TTBK1: variants seen among roughly 807,000 people sequenced by gnomAD.
The protein encoded by TTBK1 is tau tubulin kinase 1.
Under a neutral mutation model 108.5 loss-of-function variants are expected in TTBK1, and 34 were observed. That is an observed-to-expected ratio of 0.31 (90% CI 0.24 to 0.42). TTBK1 has a LOEUF of 0.42. Among genes scored for constraint, TTBK1 ranks in the 10% least tolerant of loss-of-function variants. The probability of loss-of-function intolerance (pLI) is 1.00; values close to 1 mark genes in which losing one functional copy is unlikely to be tolerated. For missense variants in TTBK1, 1,539 were observed against 1,826.0 expected, an observed-to-expected ratio of 0.84 and a Z score of 2.86; for synonymous variants, 809 against 795.1, an observed-to-expected ratio of 1.02 and a Z score of -0.29.
At position 43,262,818 on chromosome 6, in the gene TTBK1, C is replaced by T. The variant is rs1050745819; in HGVS notation, c.1454C>T (p.Ser485Leu). 14 of 1,583,886 alleles carry T rather than the reference C, an allele frequency of 8.8e-6. No individual in the cohort carries two copies. Among genetic ancestry groups the T allele is most frequent in the South Asian group, 3.4e-5 (3 of 88,334 alleles). ...RSRMDLPGSP[S>L]RQACSSQPAQ... Reference sequence around the variant, plus strand: ...CGGATGGATCTGCCTGGCTCGCCCTCGCGCCAGGCCTGCTCCTCTCAGCCA... The same window carrying T: ...CGGATGGATCTGCCTGGCTCGCCCTTGCGCCAGGCCTGCTCCTCTCAGCCA... The change falls in exon 13 of 15, where the codon TCG (serine) becomes TTG (leucine). Residue 485 changes from serine (S) to leucine (L), a missense_variant. Transcript: ENST00000259750.
At position 43,285,153 on chromosome 6, in the gene TTBK1, C is replaced by A; in HGVS notation, c.3743C>A (p.Ser1248Tyr). 1 of 1,421,730 alleles carries A rather than the reference C, an allele frequency of 7.0e-7. No individual in the cohort carries two copies. The highest frequency in any genetic ancestry group is 1.5e-5 in the African/African-American group (1 of 66,512). The allele number at this position is 1,421,730 out of a possible 1,614,324, so 88.1% of individuals were successfully genotyped here. ...STSAARNASA[S>Y]PRSQSLSRRE... ...TCCGCCGCGCGCAATGCCAGCGCGT[C>A]CCCCCGGAGCCAGTCCCTGTCCCGC... The change falls in exon 15 of 15, where the codon TCC (serine) becomes TAC (tyrosine). Residue 1248 changes from serine to tyrosine, a missense_variant. Physicochemically the swap from Ser to Tyr is moderately radical, Grantham distance 144 (BLOSUM62 -2). Transcript: ENST00000259750. The surrounding 1 kb of genome is among the most constrained non-coding windows in gnomAD (Gnocchi z 4.7).
intron 13 of TTBK1, among the ~76,000 whole-genome samples, chr6:43,281,084 C>A (rs1778145639): frequency 6.6e-6 from 1 of 152,148 alleles, no homozygotes; most frequent in Non-Finnish European, 1.5e-5. Context: ...AAGATCTGAA[C>A]TGTCTTAGGC....
intron 13 of TTBK1, chr6:43,270,275 A>G: frequency 8.9e-7 from 1 of 1,126,048 alleles, no homozygotes. Flanking sequence ...CAGTGGAAAG[A>G]GAGGTGTCAG....
In TTBK1 at chr6:43,269,834, G is replaced by A. The variant is rs1295337335; in HGVS notation, c.1986+6484G>A. 1 of 1,535,720 alleles carries A rather than the reference G, an allele frequency of 6.5e-7. No homozygotes were observed. The highest frequency in any genetic ancestry group is 2.0e-5 in the Admixed American group (1 of 50,908). On this transcript the variant is annotated intron_variant, in intron 13 of 14. Coordinates refer to ENST00000259750, the MANE Select transcript of TTBK1 (RefSeq NM_032538.3). The surrounding 1 kb of genome is among the most constrained non-coding windows in gnomAD (Gnocchi z 4.8). ...CGGCTGAGAGCAGCCCTGTGCGGGC[G>A]CCCCACCGGCGCCACGCGCCCCTCG...
rs566878036 is a variant in TTBK1 at position 43,246,659 on chromosome 6, G to A, written c.-2G>A. The stretch of plus-strand genomic sequence containing the variant: ...GCGGACACCCCTCCCTCTGGCTGGC[G>A]GATGCAGTGCCTAGCGGCCGCCCTT... On this transcript the variant is annotated 5_prime_UTR_variant, in exon 2 of 15. Transcript: ENST00000259750. 434 of 1,598,356 alleles carry A rather than the reference G, an allele frequency of 2.7e-4. 8 individuals carry two copies. The South Asian group carries it at 4.7e-3, about 17-fold the overall frequency.
intron 1 of TTBK1, among the ~76,000 whole-genome samples, chr6:43,244,489 G>A (rs1032887284): frequency 6.6e-6 from 1 of 152,116 alleles, no homozygotes; most frequent in Non-Finnish European, 1.5e-5. Flanking sequence ...TTCACCATGC[G>A]CCCATGTGCA....
intron 2 of TTBK1, among the ~76,000 whole-genome samples, chr6:43,249,247 G>A (rs953606110): frequency 6.6e-6 from 1 of 152,122 alleles, no homozygotes; most frequent in African/African-American, 2.4e-5. Context: ...GTCACCCAGA[G>A]CTGGCCAAGA....
chr6:43,282,856 C>CGGA lies in TTBK1; in HGVS notation c.2119_2121dup (p.Arg707dup), dbSNP rs1778211114. On this transcript the variant is annotated inframe_insertion, in exon 14 of 15. Coordinates refer to ENST00000259750, the MANE Select transcript of TTBK1 (RefSeq NM_032538.3). This position sits in a 1 kb window ranked among gnomAD's most constrained non-coding sequence, Gnocchi z 5.4. ...ACGGGCGCGGTTGCTCAACAGGGTC[C>CGGA]GGAGGGTGGGCTTCTCGCACATGCT... The CGGA allele has an allele frequency of 1.2e-6, 2 of 1,613,900 alleles. No individual in the cohort carries two copies. The highest frequency in any genetic ancestry group is 1.7e-6 in the Non-Finnish European group (2 of 1,179,984).
Position 43,283,670 on chromosome 6 carries a change from C to A in TTBK1, c.2930C>A (p.Ala977Glu), listed in dbSNP as rs368660442. Residue 977 changes from alanine to glutamate, a missense_variant, in exon 14 of 15, where the codon GCG (alanine) becomes GAG (glutamate). By Grantham distance (107) the Ala-to-Glu change is moderately radical. Around this residue, in one of 5 missense-constraint regions of TTBK1, gnomAD observed 1,055 missense variants for 1,086.5 expected, o/e 0.97. Transcript: ENST00000259750. The surrounding 1 kb of genome is among the most constrained non-coding windows in gnomAD (Gnocchi z 8.1). ...DGGAVEEGAR[A>E]PLENGLALSG... is the part of the protein sequence containing the mutation. ...GGCGCTGTGGAGGAGGGGGCCCGAG[C>A]GCCCCTGGAGAACGGCCTCGCCCTG... The A allele has an allele frequency of 6.8e-6, 11 of 1,613,766 alleles. No individual in the cohort carries two copies. Among genetic ancestry groups the A allele is most frequent in the Admixed American group, 6.7e-5 (4 of 60,006 alleles).
intron 13 of TTBK1, among the ~76,000 whole-genome samples, chr6:43,281,375 CAAAA>C (rs758326054): frequency 2.6e-5 from 2 of 76,206 alleles, no homozygotes; most frequent in Non-Finnish European, 5.7e-5. Flanking sequence ...GGCTCCATAT[CAAAA>C]AAAAAAAAAA....
At chr6:43,270,831 C>T (rs1252264330) in intron 13 of TTBK1, 1 of 985,500 alleles carries the variant, frequency 1.0e-6, no homozygotes. Flanking sequence ...CGTGAGAAAC[C>T]ATGTGCTTGT....
At chr6:43,250,444 C>T (rs1777207226) in intron 2 of TTBK1, among the ~76,000 whole-genome samples, 1 of 151,092 alleles carries the variant, frequency 6.6e-6, no homozygotes. Flanking sequence ...GCAGCCTCCG[C>T]CTCCCGGGTT....
Position 43,273,837 on chromosome 6 carries a change from G to A in TTBK1, c.1987-8890G>A, listed in dbSNP as rs1777893578. On this transcript the variant is annotated intron_variant, in intron 13 of 14. Coordinates refer to ENST00000259750, the MANE Select transcript of TTBK1 (RefSeq NM_032538.3). This position sits in a 1 kb window ranked among gnomAD's most constrained non-coding sequence, Gnocchi z 4.2. ...AAACCAAAATGGTTTACAGGCAGAGGTGGCCTAAACTCATTTTGCAACCAC... is the reference window on the plus strand; with the variant it reads ...AAACCAAAATGGTTTACAGGCAGAGATGGCCTAAACTCATTTTGCAACCAC... Among the ~76,000 whole-genome samples the A allele has an allele frequency of 6.6e-6, 1 of 152,196 alleles. No homozygotes were observed.
In TTBK1 at chr6:43,263,112, AGCG is replaced by A. The variant is rs1227761902; in HGVS notation, c.1757_1759del (p.Arg586del). 1 of 1,567,474 alleles carries A rather than the reference AGCG, an allele frequency of 6.4e-7. No individual in the cohort carries two copies. The highest frequency in any genetic ancestry group is 8.7e-7 in the Non-Finnish European group (1 of 1,155,328). On this transcript the variant is annotated inframe_deletion, in exon 13 of 15. Coordinates refer to ENST00000259750, the MANE Select transcript of TTBK1 (RefSeq NM_032538.3). The surrounding 1 kb of genome is among the most constrained non-coding windows in gnomAD (Gnocchi z 4.7). Reference sequence around the variant, plus strand: ...CGGCCACTGCCCGAGGAGGGCGAAGAGCGGCGGCGGCTGGGGGCAGAGCCCACC... The same window carrying A: ...CGGCCACTGCCCGAGGAGGGCGAAGAGCGGCGGCTGGGGGCAGAGCCCACC...
At position 43,283,019 on chromosome 6, in the gene TTBK1, A is replaced by C. The variant is rs138997913; in HGVS notation, c.2279A>C (p.Glu760Ala). ...GAAGAGGAGGAAGAGGAAGAGGAGG[A>C]GGAAGAAGAGGAGGAGGAGGAAGAG... ...EEEEEEEEEE[E>A]EEEEEEEEEE... The change falls in exon 14 of 15, where the codon GAG becomes GCG. Residue 760 changes from glutamate to alanine, a missense_variant. This residue lies in a region of TTBK1 where 1,055 missense variants were observed against 1,086.5 expected (regional missense o/e 0.97). Coordinates refer to ENST00000259750, the MANE Select transcript of TTBK1 (RefSeq NM_032538.3). The surrounding 1 kb of genome is among the most constrained non-coding windows in gnomAD (Gnocchi z 8.1). 3,659 of 1,592,586 alleles carry C rather than the reference A, an allele frequency of 2.3e-3. 10 individuals carry two copies. The highest frequency in any genetic ancestry group is 2.6e-3 in the Non-Finnish European group (3,080 of 1,168,030).
At chr6:43,258,078 T>G in intron 10 of TTBK1, 112 bp downstream of exon 10, 7 of 1,270,486 alleles carry the variant, frequency 5.5e-6, no homozygotes, top group Non-Finnish European at 7.4e-6. Context: ...CTATCTTTCC[T>G]ATCCTTAGTG....
At chr6:43,252,047 G>A (rs1366182070) in intron 2 of TTBK1, among the ~76,000 whole-genome samples, 2 of 152,124 alleles carry the variant, frequency 1.3e-5, no homozygotes, top group African/African-American at 4.8e-5. Context: ...CAGGGGATGG[G>A]GGAACATGAT....
chr6:43,244,803 C>A (rs1777045601), intron 1 of TTBK1, among the ~76,000 whole-genome samples: 1 of 152,184 alleles, frequency 6.6e-6, no homozygotes, highest in African/African-American at 2.4e-5. Context: ...TGAAGGCCCC[C>A]TCCCACCAGT....
Position 43,282,775 on chromosome 6 carries a change from GTGCCTCTGAGTC to G in TTBK1, c.2040_2051del (p.Leu681_Pro684del). The G allele has an allele frequency of 1.9e-6, 3 of 1,613,606 alleles. No individual in the cohort carries two copies. Among genetic ancestry groups the G allele is most frequent in the Non-Finnish European group, 2.5e-6 (3 of 1,179,832 alleles). ...TGAGGTGAATGGCCTCCCACGAGCTGTGCCTCTGAGTCTGCCCTACCAGGACTTCAAAAGAGA... is the reference window on the plus strand; with the variant it reads ...TGAGGTGAATGGCCTCCCACGAGCTGTGCCCTACCAGGACTTCAAAAGAGA... On this transcript the variant is annotated inframe_deletion, in exon 14 of 15. Transcript: ENST00000259750. This position sits in a 1 kb window ranked among gnomAD's most constrained non-coding sequence, Gnocchi z 5.4.
Sources: gnomAD v4.1 joint callset for allele counts (sites outside exome capture counted in the v4.1 genomes callset) on GRCh38, gnomAD v4.1.1 for gene constraint, gnomAD v4.1.1 regional missense constraint, Gnocchi (gnomAD v3.1) non-coding constraint, MANE v1.5 for transcripts, NCBI Gene and HGNC (gene_info 2026-07-23, HGNC 2026-07-21) for gene names.